GPR176: variants seen among roughly 807,000 people sequenced by gnomAD.
GPR176 encodes G-protein coupled receptor 176.
Under a neutral mutation model 35.4 loss-of-function variants are expected in GPR176, and 26 were observed. The observed-to-expected ratio is 0.74, with a 90% CI of 0.54 to 1.02. The LOEUF is 1.02. GPR176 is among the 50% of genes least tolerant of loss of function. The probability of loss-of-function intolerance (pLI) is 0.00; values close to 1 mark genes in which losing one functional copy is unlikely to be tolerated. For missense variants in GPR176, 597 were observed against 665.3 expected (o/e 0.90, Z 1.13); for synonymous variants, 278 against 271.3 (o/e 1.02, Z -0.24).
At chr15:39,837,056 A>T (rs1292453439) in intron 1 of GPR176, among the ~76,000 whole-genome samples, 2 of 152,192 alleles carry the variant, frequency 1.3e-5, no homozygotes, top group East Asian at 3.9e-4. Context: ...GTCTATTCAA[A>T]CTGATAACAA....
At chr15:39,878,419 A>G (rs976452914) in intron 1 of GPR176, among the ~76,000 whole-genome samples, 2 of 149,622 alleles carry the variant, frequency 1.3e-5, no homozygotes, top group African/African-American at 4.9e-5. Context: ...GTCCTCCAGG[A>G]TCACCCATGC....
chr15:39,897,707 G>A (rs926634356), intron 1 of GPR176, among the ~76,000 whole-genome samples: 7 of 141,432 alleles, frequency 4.9e-5, no homozygotes, highest in African/African-American at 1.3e-4. Context: ...TCTGCTTCCC[G>A]GGTTCACGCC....
intron 1 of GPR176, among the ~76,000 whole-genome samples, chr15:39,899,525 T>A (rs1016987768): frequency 6.6e-6 from 1 of 152,020 alleles, no homozygotes; most frequent in Non-Finnish European, 1.5e-5. Flanking sequence ...GAATTACAGA[T>A]AATAAGAAAG....
chr15:39,812,760 G>A (rs1487730890), intron 1 of GPR176, among the ~76,000 whole-genome samples: 1 of 84,100 alleles, frequency 1.2e-5, no homozygotes, highest in African/African-American at 4.1e-5. Flanking sequence ...TTTTTTTTTT[G>A]AGACAGGGTC....
chr15:39,884,492 A>T (rs1216201401), intron 1 of GPR176, among the ~76,000 whole-genome samples: 1 of 152,212 alleles, frequency 6.6e-6, no homozygotes, highest in Non-Finnish European at 1.5e-5. Context: ...TAATTGATAA[A>T]GGTTGTTTTT....
chr15:39,912,227 C>T (rs1466052136), intron 1 of GPR176, among the ~76,000 whole-genome samples: 1 of 152,146 alleles, frequency 6.6e-6, no homozygotes, highest in Non-Finnish European at 1.5e-5. Context: ...CCTAGAGCCA[C>T]TCCTACCTTC....
At chr15:39,842,282 A>T (rs2030056680) in intron 1 of GPR176, among the ~76,000 whole-genome samples, 1 of 151,986 alleles carries the variant, frequency 6.6e-6, no homozygotes, top group African/African-American at 2.4e-5. Flanking sequence ...TAGGAGCAAG[A>T]GGAAGAGAGA....
intron 1 of GPR176, 51 bp downstream of exon 1, chr15:39,919,804 G>A: frequency 7.4e-7 from 1 of 1,343,154 alleles, no homozygotes; most frequent in African/African-American, 1.5e-5. Flanking sequence ...GGCTCTCCGA[G>A]CCTGTACCCT....
chr15:39,900,428 C>T (rs1389233411), intron 1 of GPR176, among the ~76,000 whole-genome samples: 1 of 152,132 alleles, frequency 6.6e-6, no homozygotes, highest in South Asian at 2.1e-4. Context: ...TTTCATGTAG[C>T]CTTTGCATTC....
At chr15:39,804,631 A>C (rs1899084234) in intron 2 of GPR176, among the ~76,000 whole-genome samples, 1 of 152,136 alleles carries the variant, frequency 6.6e-6, no homozygotes, top group Non-Finnish European at 1.5e-5. Flanking sequence ...AAAAAAAAAA[A>C]ACTTTCAGGA....
chr15:39,879,175 G>C (rs918471094), intron 1 of GPR176, among the ~76,000 whole-genome samples: 8 of 152,236 alleles, frequency 5.3e-5, no homozygotes, highest in African/African-American at 1.9e-4. Context: ...TAAGGAAAGT[G>C]AGGCCTTAAA....
chr15:39,864,074 C>A (rs1196216543), intron 1 of GPR176, among the ~76,000 whole-genome samples: 1 of 151,994 alleles, frequency 6.6e-6, no homozygotes, highest in Non-Finnish European at 1.5e-5. Flanking sequence ...ACAAAACAAC[C>A]CCTACTAAGC....
rs143346117 is a variant in GPR176 at position 39,805,921 on chromosome 15, C to T, written c.425+1085G>A. On this transcript the variant is annotated intron_variant, in intron 2 of 2. Transcript: ENST00000561100. ...TATGTAGGCAGGACTCAAAGCCAGGCTTCTATTCCAACATCCATTCTCTTA... is the reference window on the plus strand; with the variant it reads ...TATGTAGGCAGGACTCAAAGCCAGGTTTCTATTCCAACATCCATTCTCTTA... Among the ~76,000 whole-genome samples the T allele has an allele frequency of 1.8e-3, 275 of 152,362 alleles. 1 individual carries two copies. The highest frequency in any genetic ancestry group is 3.4e-3 in the Non-Finnish European group (233 of 68,026).
intron 1 of GPR176, among the ~76,000 whole-genome samples, chr15:39,824,969 C>G (rs1033752806): frequency 6.6e-6 from 1 of 152,068 alleles, no homozygotes; most frequent in Non-Finnish European, 1.5e-5. Flanking sequence ...CTTTGGGAGG[C>G]CAAAGTGGGA....
At chr15:39,817,794 A>G (rs1362417152) in intron 1 of GPR176, among the ~76,000 whole-genome samples, 4 of 152,212 alleles carry the variant, frequency 2.6e-5, no homozygotes, top group African/African-American at 9.6e-5. Flanking sequence ...AAAAAAAGGC[A>G]CTGTTAAGCT....
chr15:39,826,927 T>G (rs1006279381), intron 1 of GPR176, among the ~76,000 whole-genome samples: 1 of 152,170 alleles, frequency 6.6e-6, no homozygotes, highest in Non-Finnish European at 1.5e-5. Context: ...GATCAAGTAT[T>G]AAAAGGTATG....
In GPR176 at chr15:39,822,177, A is replaced by C. The variant is rs1252391767; in HGVS notation, c.173-14919T>G. On this transcript the variant is annotated intron_variant, in intron 1 of 2. Transcript: ENST00000561100. ...CCTTCAGGTGGCCACAGCTCTGGCC[A>C]ACATCTTGATGCAACCTTATGAGAC... Among the ~76,000 whole-genome samples the C allele has an allele frequency of 2.6e-5, 4 of 152,342 alleles. No homozygotes were observed. The East Asian group carries it at 7.7e-4, about 29-fold the overall frequency.
chr15:39,875,552 T>C (rs2032210595), intron 1 of GPR176, among the ~76,000 whole-genome samples: 1 of 152,176 alleles, frequency 6.6e-6, no homozygotes, highest in South Asian at 2.1e-4. Flanking sequence ...TATCTATTCA[T>C]AGACAATCGG....
At chr15:39,868,802 T>A (rs566702151) in intron 1 of GPR176, among the ~76,000 whole-genome samples, 1 of 152,284 alleles carries the variant, frequency 6.6e-6, no homozygotes, top group South Asian at 2.1e-4. Flanking sequence ...CTGGACAGTG[T>A]TGTGCCCATA....
Sources: allele counts gnomAD v4.1 joint callset (sites outside exome capture counted in the v4.1 genomes callset), GRCh38; gene constraint gnomAD v4.1.1; transcripts MANE v1.5; gene names NCBI Gene and HGNC (gene_info 2026-07-23, HGNC 2026-07-21).